HS6ST3: variants seen among roughly 807,000 people sequenced by gnomAD.
HS6ST3 encodes heparan-sulfate 6-O-sulfotransferase 3.
HS6ST3 carries 12 observed loss-of-function variants against 36.7 expected under a neutral mutation model. The ratio of observed to expected loss-of-function variants is 0.33; its 90% CI spans 0.21 to 0.53. HS6ST3 has a LOEUF of 0.53. Ranked by LOEUF, HS6ST3 falls within the 20% of genes least tolerant of loss-of-function variation. The pLI is 0.95. For missense variants in HS6ST3, 584 were observed against 640.9 expected, an observed-to-expected ratio of 0.91 and a Z score of 0.96; for synonymous variants, 240 against 257.5, an observed-to-expected ratio of 0.93 and a Z score of 0.65.
intron 1 of HS6ST3, among the ~76,000 whole-genome samples, chr13:96,348,683 C>T (rs777390398): frequency 2.0e-5 from 3 of 152,168 alleles, no homozygotes; most frequent in Non-Finnish European, 2.9e-5. Flanking sequence ...GAGCTAGCAT[C>T]CAAGGCAGTT....
At chr13:96,252,646 T>G (rs1036375987) in intron 1 of HS6ST3, among the ~76,000 whole-genome samples, 1 of 152,150 alleles carries the variant, frequency 6.6e-6, no homozygotes, top group Non-Finnish European at 1.5e-5. Context: ...TGGAGTGATA[T>G]AATTTGGATA....
chr13:96,620,849 T>A (rs1323951641), intron 1 of HS6ST3, among the ~76,000 whole-genome samples: 2 of 151,890 alleles, frequency 1.3e-5, no homozygotes, highest in Admixed American at 6.6e-5. Context: ...AATTTTTTTT[T>A]AAATAGGAAA....
At chr13:96,817,837 C>G (rs936144045) in intron 1 of HS6ST3, among the ~76,000 whole-genome samples, 2 of 152,106 alleles carry the variant, frequency 1.3e-5, no homozygotes, top group African/African-American at 2.4e-5. Context: ...GGGAAGTTCA[C>G]TAAGAAGGGA....
rs565517451 is a variant in HS6ST3, at chr13:96,328,911, G to A, written c.707+237342G>A. 1.1e-4 allele frequency among the ~76,000 whole-genome samples: 16 copies of A among 152,072 alleles called. No homozygotes were observed. In the South Asian group the frequency reaches 2.1e-3, roughly 20 times the overall value. ...AACTTCTTCCTGGTTTAGTCTTGGGGGAGTGTATGTGTCAAGGAATTTATC... is the reference window on the plus strand; with the variant it reads ...AACTTCTTCCTGGTTTAGTCTTGGGAGAGTGTATGTGTCAAGGAATTTATC... On this transcript the variant is annotated intron_variant, in intron 1 of 1. Coordinates refer to ENST00000376705, the MANE Select transcript of HS6ST3 (RefSeq NM_153456.4).
At chr13:96,669,170 G>T (rs1310086678) in intron 1 of HS6ST3, among the ~76,000 whole-genome samples, 2 of 152,178 alleles carry the variant, frequency 1.3e-5, no homozygotes, top group African/African-American at 2.4e-5. Flanking sequence ...ACACATATTT[G>T]TGAGAATCTT....
At chr13:96,484,278 CTCCTTCCTTCCTTCCTCCTTCCT>C (rs1185538303) in intron 1 of HS6ST3, among the ~76,000 whole-genome samples, 2 of 151,720 alleles carry the variant, frequency 1.3e-5, no homozygotes, top group Admixed American at 6.6e-5. Context: ...TCACCTTACT[CTCCTTCCTTCCTTCCTCCTTCCT>C]TCCTTCCTTC....
At chr13:96,643,612 A>T (rs1049527940) in intron 1 of HS6ST3, among the ~76,000 whole-genome samples, 1 of 151,814 alleles carries the variant, frequency 6.6e-6, no homozygotes, top group African/African-American at 2.4e-5. Context: ...GTGAAAGCTC[A>T]TTGGGTGAGC....
At chr13:96,203,646 G>C (rs538904616) in intron 1 of HS6ST3, among the ~76,000 whole-genome samples, 61 of 152,302 alleles carry the variant, frequency 4.0e-4, no homozygotes, top group South Asian at 1.0e-3. Flanking sequence ...TCTGTGAGCT[G>C]ACTGTTCACG....
intron 1 of HS6ST3, among the ~76,000 whole-genome samples, chr13:96,621,102 T>C (rs1278526222): frequency 6.6e-6 from 1 of 152,198 alleles, no homozygotes; most frequent in Non-Finnish European, 1.5e-5. Flanking sequence ...TGTCTAGAAG[T>C]GCAAGTGCAG....
intron 1 of HS6ST3, among the ~76,000 whole-genome samples, chr13:96,108,885 GA>G (rs900585587): frequency 3.9e-5 from 6 of 152,240 alleles, no homozygotes; most frequent in Admixed American, 3.9e-4. Context: ...AGGTGCATGG[GA>G]ACTCCAGGAC....
intron 1 of HS6ST3, among the ~76,000 whole-genome samples, chr13:96,766,488 A>T (rs1877121379): frequency 6.6e-6 from 1 of 151,724 alleles, no homozygotes. Context: ...CATTAAGTAG[A>T]CGTTTTGTGA....
intron 1 of HS6ST3, among the ~76,000 whole-genome samples, chr13:96,729,413 G>T (rs1251011385): frequency 6.6e-6 from 1 of 152,104 alleles, no homozygotes; most frequent in Admixed American, 6.5e-5. Context: ...AAACCTGGGT[G>T]CCATGAGATT....
chr13:96,335,669 G>A (rs1566329196), intron 1 of HS6ST3, among the ~76,000 whole-genome samples: 1 of 152,196 alleles, frequency 6.6e-6, no homozygotes, highest in Non-Finnish European at 1.5e-5. Flanking sequence ...GTTGACTAAG[G>A]TACCCACCCA....
chr13:96,831,610 G>A (rs895559060), intron 1 of HS6ST3, among the ~76,000 whole-genome samples: 1 of 152,004 alleles, frequency 6.6e-6, no homozygotes, highest in Admixed American at 6.6e-5. Flanking sequence ...CACACCCAAC[G>A]CATCCTTCCT....
intron 1 of HS6ST3, among the ~76,000 whole-genome samples, chr13:96,826,282 C>T (rs559197881): frequency 6.6e-6 from 1 of 152,216 alleles, no homozygotes; most frequent in Admixed American, 6.5e-5. Flanking sequence ...ACTCCTTGCA[C>T]ACATTTTAGG....
intron 1 of HS6ST3, among the ~76,000 whole-genome samples, chr13:96,456,014 C>T (rs1325116395): frequency 6.6e-6 from 1 of 152,170 alleles, no homozygotes; most frequent in African/African-American, 2.4e-5. Context: ...TGAAGCTATG[C>T]TATCCTTTGT....
intron 1 of HS6ST3, among the ~76,000 whole-genome samples, chr13:96,733,873 C>A (rs1354188072): frequency 2.6e-5 from 4 of 152,074 alleles, no homozygotes; most frequent in African/African-American, 9.7e-5. Flanking sequence ...GTATCTAGTC[C>A]CATTGCCCCT....
At chr13:96,431,078 C>T (rs770871092) in intron 1 of HS6ST3, among the ~76,000 whole-genome samples, 2 of 152,084 alleles carry the variant, frequency 1.3e-5, no homozygotes, top group Admixed American at 6.5e-5. Context: ...GTGGTACGTG[C>T]CTGTAGCCCT....
chr13:96,833,350 C>A lies in HS6ST3; in HGVS notation c.*152C>A. 3 of 630,108 alleles carry A rather than the reference C, an allele frequency of 4.8e-6. No individual in the cohort carries two copies. Among genetic ancestry groups the A allele is most frequent in the Non-Finnish European group, 8.0e-6 (3 of 374,770 alleles). The allele number at this position is 630,108 out of a possible 1,614,324, so 39.0% of individuals were successfully genotyped here. ...CTTCCTTCTTTGTCTTCATTTTTAT[C>A]CAGCTGGAGATTATCCGTCTTGTTC... is the stretch of plus-strand genomic sequence containing the variant. On this transcript the variant is annotated 3_prime_UTR_variant, in exon 2 of 2. Coordinates refer to ENST00000376705, the MANE Select transcript of HS6ST3 (RefSeq NM_153456.4).
Sources: allele counts gnomAD v4.1 joint callset (sites outside exome capture counted in the v4.1 genomes callset), GRCh38; gene constraint gnomAD v4.1.1; transcripts MANE v1.5; gene names NCBI Gene and HGNC (gene_info 2026-07-23, HGNC 2026-07-21).